FOXP2: variants seen among roughly 807,000 people sequenced by gnomAD.
FOXP2 encodes the protein forkhead box protein P2.
FOXP2 carries 12 observed loss-of-function variants against 115.8 expected under a neutral mutation model. The ratio of observed to expected loss-of-function variants is 0.10; its 90% CI spans 0.07 to 0.17. The LOEUF (loss-of-function observed/expected upper bound fraction) is 0.17, where lower values mean the gene tolerates loss of function less well. Among genes scored for constraint, FOXP2 ranks in the 10% least tolerant of loss-of-function variants. The pLI, the probability that FOXP2 is intolerant of heterozygous loss-of-function variation, is 1.00. For missense variants in FOXP2, 629 were observed against 843.5 expected (o/e 0.75, Z 3.15); for synonymous variants, 328 against 297.7 (o/e 1.10, Z -1.05).
chr7:114,386,064 T>C (rs1227854084), intron 2 of FOXP2, among the ~76,000 whole-genome samples: 1 of 152,200 alleles, frequency 6.6e-6, no homozygotes, highest in Non-Finnish European at 1.5e-5. Context: ...GCCTTTAGCA[T>C]GATCGGGAGT....
chr7:114,281,887 T>C (rs1796346208), intron 1 of FOXP2, among the ~76,000 whole-genome samples: 1 of 151,976 alleles, frequency 6.6e-6, no homozygotes, highest in Admixed American at 6.6e-5. Flanking sequence ...TGTGGTAGAG[T>C]CTTGAAGGAT....
intron 2 of FOXP2, among the ~76,000 whole-genome samples, chr7:114,355,078 C>T (rs1011091630): frequency 2.6e-5 from 4 of 152,018 alleles, no homozygotes; most frequent in African/African-American, 9.7e-5. Flanking sequence ...TAGAGTATTA[C>T]AATAGGTAAA....
intron 1 of FOXP2, among the ~76,000 whole-genome samples, chr7:114,216,016 A>C (rs977284705): frequency 1.3e-5 from 2 of 152,178 alleles, no homozygotes; most frequent in Admixed American, 6.5e-5. Context: ...GGGCATTCAC[A>C]ATCCTCTATC....
chr7:114,558,737 C>A (rs1800595996), intron 3 of FOXP2, among the ~76,000 whole-genome samples: 1 of 152,082 alleles, frequency 6.6e-6, no homozygotes, highest in South Asian at 2.1e-4. Flanking sequence ...CTGTAAGAAC[C>A]CTTTCTCTAT....
intron 3 of FOXP2, among the ~76,000 whole-genome samples, chr7:114,544,789 T>C (rs184149976): frequency 1.3e-5 from 2 of 152,352 alleles, no homozygotes; most frequent in Admixed American, 6.5e-5. Context: ...TTAAAACATA[T>C]TAACTGGTGA....
At chr7:114,233,231 T>C (rs1394235328) in intron 1 of FOXP2, among the ~76,000 whole-genome samples, 1 of 152,206 alleles carries the variant, frequency 6.6e-6, no homozygotes, top group African/African-American at 2.4e-5. Context: ...TTAACAACAA[T>C]ATTTTTACAT....
chr7:114,280,341 A>G (rs1187553002), intron 1 of FOXP2, among the ~76,000 whole-genome samples: 2 of 151,760 alleles, frequency 1.3e-5, no homozygotes, highest in South Asian at 2.1e-4. Flanking sequence ...CCTCTTTCCA[A>G]TTTTTCATAT....
At chr7:114,265,941 T>C (rs1795883391) in intron 1 of FOXP2, among the ~76,000 whole-genome samples, 1 of 152,018 alleles carries the variant, frequency 6.6e-6, no homozygotes, top group Non-Finnish European at 1.5e-5. Context: ...TGCAGGGCAA[T>C]AGAGGCCCTA....
rs538619096 is a variant in FOXP2 at position 114,286,418 on chromosome 7, T to A, written c.-101-1601T>A. 8.7e-4 allele frequency among the ~76,000 whole-genome samples: 132 copies of A among 152,178 alleles called. 1 individual carries two copies. The highest frequency in any genetic ancestry group is 3.0e-3 in the African/African-American group (125 of 41,560). ...GGATTTTCTTTTAAAAATCTAGAAT[T>A]TATAGACTGATTTAGAAAAAGTTGG... On this transcript the variant is annotated intron_variant, in intron 1 of 17. Transcript: ENST00000634411.
intron 1 of FOXP2, among the ~76,000 whole-genome samples, chr7:114,092,207 G>A (rs920266373): frequency 1.3e-5 from 2 of 152,000 alleles, no homozygotes; most frequent in African/African-American, 2.4e-5. Flanking sequence ...TAAAATGTAC[G>A]TTGTGTTGTT....
intron 1 of FOXP2, among the ~76,000 whole-genome samples, chr7:114,224,450 T>C (rs1794700599): frequency 6.6e-6 from 1 of 152,204 alleles, no homozygotes; most frequent in South Asian, 2.1e-4. Context: ...TTCTATATAA[T>C]GACTGTGTAC....
chr7:114,452,321 A>C (rs1234457004), intron 2 of FOXP2, among the ~76,000 whole-genome samples: 1 of 152,060 alleles, frequency 6.6e-6, no homozygotes, highest in African/African-American at 2.4e-5. Context: ...AGCCATGTGC[A>C]ACTTAAAAAA....
intron 2 of FOXP2, among the ~76,000 whole-genome samples, chr7:114,317,580 A>G (rs1797304129): frequency 6.6e-6 from 1 of 152,108 alleles, no homozygotes; most frequent in African/African-American, 2.4e-5. Context: ...GAATTTTGCC[A>G]TAGCTTCTAG....
intron 3 of FOXP2, among the ~76,000 whole-genome samples, chr7:114,614,554 CATT>C (rs753723827): frequency 2.6e-5 from 4 of 152,052 alleles, no homozygotes; most frequent in Non-Finnish European, 5.9e-5. Context: ...GGTTTTGTCT[CATT>C]GTTAGGTGGA....
chr7:114,149,006 T>C (rs535626143), intron 1 of FOXP2, among the ~76,000 whole-genome samples: 11 of 152,252 alleles, frequency 7.2e-5, no homozygotes, highest in African/African-American at 2.6e-4. Context: ...ATACAGCTTA[T>C]GGCTGGCTAA....
At chr7:114,430,930 A>T (rs933518364) in intron 2 of FOXP2, among the ~76,000 whole-genome samples, 5 of 151,976 alleles carry the variant, frequency 3.3e-5, no homozygotes, top group Non-Finnish European at 7.4e-5. Flanking sequence ...GGTAATAAGC[A>T]TTTATGTAAT....
chr7:114,554,370 G>T (rs929989090), intron 3 of FOXP2, among the ~76,000 whole-genome samples: 1 of 152,102 alleles, frequency 6.6e-6, no homozygotes, highest in African/African-American at 2.4e-5. Flanking sequence ...TGCTTTTAAA[G>T]AGTAGACTGT....
intron 1 of FOXP2, among the ~76,000 whole-genome samples, chr7:114,097,761 A>G (rs895138727): frequency 6.6e-6 from 1 of 152,084 alleles, no homozygotes; most frequent in Non-Finnish European, 1.5e-5. Context: ...ACTCCTTGTC[A>G]TCTATTTGAC....
intron 1 of FOXP2, among the ~76,000 whole-genome samples, chr7:114,139,237 A>C (rs1303547581): frequency 6.6e-6 from 1 of 152,110 alleles, no homozygotes; most frequent in Non-Finnish European, 1.5e-5. Context: ...ATGAATGTTT[A>C]AGTAACTTTA....
Sources: gnomAD v4.1 joint callset for allele counts (sites outside exome capture counted in the v4.1 genomes callset) on GRCh38, gnomAD v4.1.1 for gene constraint, MANE v1.5 for transcripts, NCBI Gene and HGNC (gene_info 2026-07-23, HGNC 2026-07-21) for gene names.